The following C8orf34 variants were observed in gnomAD, a reference collection of about 807,000 sequenced individuals.
C8orf34 encodes uncharacterized protein C8orf34.
Under a neutral mutation model 68.3 loss-of-function variants are expected in C8orf34, and 65 were observed. That is an observed-to-expected ratio of 0.95 (90% confidence interval 0.78 to 1.17). The LOEUF (loss-of-function observed/expected upper bound fraction) is 1.17. Among genes scored for constraint, C8orf34 ranks in the 50% most tolerant of loss-of-function variants. C8orf34 has a pLI of 0.00. For missense variants in C8orf34, 664 were observed against 655.4 expected (o/e 1.01, Z -0.14); for synonymous variants, 244 against 241.2 (o/e 1.01, Z -0.11).
At chr8:68,693,261 T>C (rs1190421869) in intron 8 of C8orf34, among the ~76,000 whole-genome samples, 1 of 152,092 alleles carries the variant, frequency 6.6e-6, no homozygotes, top group Non-Finnish European at 1.5e-5. Context: ...TGGGTAGGCA[T>C]AGTGGAAAGT....
chr8:68,598,790 G>T (rs1000154381), intron 7 of C8orf34, among the ~76,000 whole-genome samples: 19 of 152,044 alleles, frequency 1.2e-4, no homozygotes, highest in African/African-American at 4.6e-4. Context: ...AAATTTGTAA[G>T]ATGTTAACTT....
rs531237131 is a variant in C8orf34, at chr8:68,774,203, T to A, written c.1405-2196T>A. The stretch of plus-strand genomic sequence containing the variant: ...TAGCACATAAAGGACTGACTGGTTC[T>A]GTCATGAAAGAGCCAAATTGGAACA... On this transcript the variant is annotated intron_variant, in intron 10 of 13. Transcript: ENST00000518698. Among the ~76,000 whole-genome samples, 6 of 152,114 alleles carry A rather than the reference T, an allele frequency of 3.9e-5. No individual in the cohort carries two copies. In the East Asian group the frequency reaches 1.2e-3, roughly 29 times the overall value.
chr8:68,380,965 C>CA (rs1046957440), intron 1 of C8orf34, among the ~76,000 whole-genome samples: 2 of 151,788 alleles, frequency 1.3e-5, no homozygotes, highest in Non-Finnish European at 2.9e-5. Context: ...AAAATATAAG[C>CA]AAAAAAATGA....
At chr8:68,342,290 A>C (rs1163465007) in intron 1 of C8orf34, among the ~76,000 whole-genome samples, 1 of 152,228 alleles carries the variant, frequency 6.6e-6, no homozygotes, top group Non-Finnish European at 1.5e-5. Context: ...AGTTACACTT[A>C]GACTTGACAC....
At chr8:68,464,620 G>C (rs1031074294) in intron 3 of C8orf34, among the ~76,000 whole-genome samples, 22 of 152,178 alleles carry the variant, frequency 1.4e-4, no homozygotes, top group African/African-American at 2.4e-4. Flanking sequence ...CAATGGAACA[G>C]AACAGAGCCC....
intron 1 of C8orf34, among the ~76,000 whole-genome samples, chr8:68,395,279 C>T (rs1179018156): frequency 1.3e-5 from 2 of 151,084 alleles, no homozygotes; most frequent in Non-Finnish European, 2.9e-5. Context: ...GGGGAAAGGT[C>T]ACAAAATATA....
intron 8 of C8orf34, among the ~76,000 whole-genome samples, chr8:68,640,956 CT>C (rs1234805977): frequency 6.6e-6 from 1 of 152,198 alleles, no homozygotes; most frequent in Admixed American, 6.5e-5. Context: ...CAGCTTGACA[CT>C]TTCAGTTTTG....
intron 4 of C8orf34, among the ~76,000 whole-genome samples, chr8:68,469,503 G>GT (rs1485707804): frequency 2.0e-5 from 3 of 151,934 alleles, no homozygotes; most frequent in Non-Finnish European, 4.4e-5. Context: ...AACTGCTATT[G>GT]TTGTAAGAGT....
intron 1 of C8orf34, among the ~76,000 whole-genome samples, chr8:68,419,477 G>A (rs1156783929): frequency 2.0e-5 from 3 of 151,262 alleles, no homozygotes; most frequent in Non-Finnish European, 4.4e-5. Flanking sequence ...CCCATTACTG[G>A]GTATATACCC....
intron 5 of C8orf34, among the ~76,000 whole-genome samples, chr8:68,509,898 G>C (rs1440898962): frequency 1.3e-5 from 2 of 152,104 alleles, no homozygotes; most frequent in Non-Finnish European, 2.9e-5. Flanking sequence ...GGAATCATCT[G>C]CTTTTATCCA....
rs549609569 is a variant in C8orf34 at position 68,457,239 on chromosome 8, T to C, written c.607+10779T>C. Among the ~76,000 whole-genome samples, 297 of 152,226 alleles carry C rather than the reference T, an allele frequency of 2.0e-3. 1 individual carries two copies. Among genetic ancestry groups the C allele is most frequent in the African/African-American group, 7.0e-3 (290 of 41,552 alleles). On this transcript the variant is annotated intron_variant, in intron 3 of 13. Coordinates refer to ENST00000518698, the MANE Select transcript of C8orf34 (RefSeq NM_052958.4). ...CATTGAGAGTATATATGTACATATA[T>C]GTATAGAAAGTATAAACTACATAAA...
intron 8 of C8orf34, among the ~76,000 whole-genome samples, chr8:68,663,064 CT>C (rs1365546026): frequency 3.9e-5 from 6 of 152,146 alleles, no homozygotes; most frequent in African/African-American, 9.7e-5. Context: ...CTCTCTTTTT[CT>C]TGCTCTCTGT....
chr8:68,694,602 C>G (rs557281747), intron 8 of C8orf34, among the ~76,000 whole-genome samples: 38 of 152,166 alleles, frequency 2.5e-4, no homozygotes, highest in African/African-American at 8.7e-4. Flanking sequence ...GATTTAAATA[C>G]TTTTCCTATT....
intron 10 of C8orf34, among the ~76,000 whole-genome samples, chr8:68,749,663 A>C (rs1218319078): frequency 1.3e-5 from 2 of 152,134 alleles, no homozygotes; most frequent in Non-Finnish European, 2.9e-5. Context: ...ACATTTGCCT[A>C]TTCTAGAAAT....
At chr8:68,369,500 G>A (rs1027900606) in intron 1 of C8orf34, among the ~76,000 whole-genome samples, 8 of 152,176 alleles carry the variant, frequency 5.3e-5, no homozygotes, top group African/African-American at 1.7e-4. Context: ...TTTCCATGAA[G>A]GACATAGGTG....
At chr8:68,657,894 G>A (rs1312892113) in intron 8 of C8orf34, among the ~76,000 whole-genome samples, 1 of 152,194 alleles carries the variant, frequency 6.6e-6, no homozygotes, top group Non-Finnish European at 1.5e-5. Context: ...AGAAAGCTGA[G>A]CAGTTTTCCT....
chr8:68,454,384 G>T (rs148839639), intron 3 of C8orf34, among the ~76,000 whole-genome samples: 1 of 151,940 alleles, frequency 6.6e-6, no homozygotes, highest in African/African-American at 2.4e-5. Flanking sequence ...CAGGGAAGCC[G>T]CTTTATCCTG....
intron 3 of C8orf34, among the ~76,000 whole-genome samples, chr8:68,451,497 T>A (rs1313770636): frequency 6.6e-6 from 1 of 152,116 alleles, no homozygotes; most frequent in East Asian, 1.9e-4. Context: ...TCCTTTCACT[T>A]GAACACTTAG....
chr8:68,507,293 C>T (rs1814067657), intron 5 of C8orf34, among the ~76,000 whole-genome samples: 1 of 151,912 alleles, frequency 6.6e-6, no homozygotes, highest in African/African-American at 2.4e-5. Flanking sequence ...CTTTCTGAAC[C>T]CATTGATTTA....
Sources: allele counts gnomAD v4.1 joint callset (sites outside exome capture counted in the v4.1 genomes callset), GRCh38; gene constraint gnomAD v4.1.1; transcripts MANE v1.5; gene names NCBI Gene and HGNC (gene_info 2026-07-23, HGNC 2026-07-21).